Variants in BMP7 observed in about 807,000 individuals in gnomAD.
The protein encoded by BMP7 is osteogenic protein 1.
BMP7 carries 12 observed loss-of-function variants against 41.2 expected under a neutral mutation model. The ratio of observed to expected loss-of-function variants is 0.29; its 90% CI spans 0.19 to 0.47. The LOEUF is 0.47. BMP7 is among the 20% of genes least tolerant of loss of function. The probability of loss-of-function intolerance (pLI) is 0.99; values close to 1 mark genes in which losing one functional copy is unlikely to be tolerated. For synonymous variants in BMP7, 248 were observed against 250.0 expected (o/e 0.99, Z 0.07); for missense variants, 467 against 606.0 (o/e 0.77, Z 2.41).
intron 2 of BMP7, among the ~76,000 whole-genome samples, chr20:57,208,923 C>T (rs1013355799): frequency 1.3e-5 from 2 of 152,130 alleles, no homozygotes; most frequent in African/African-American, 4.8e-5. Context: ...GTGGCTCACA[C>T]CTGTAATCCC....
At chr20:57,264,273 TG>T (rs1428455248) in intron 1 of BMP7, among the ~76,000 whole-genome samples, 1 of 152,156 alleles carries the variant, frequency 6.6e-6, no homozygotes, top group East Asian at 1.9e-4. Flanking sequence ...ACGCCCCAGG[TG>T]CCCAGCGTGG....
intron 1 of BMP7, among the ~76,000 whole-genome samples, chr20:57,260,572 C>T (rs972670496): frequency 3.9e-5 from 6 of 152,216 alleles, no homozygotes; most frequent in Non-Finnish European, 5.9e-5. Context: ...GGCAAAATGG[C>T]ACCGGCGCAT....
chr20:57,245,862 TCTC>T (rs1194896001), intron 1 of BMP7, among the ~76,000 whole-genome samples: 1 of 152,006 alleles, frequency 6.6e-6, no homozygotes, highest in Non-Finnish European at 1.5e-5. Flanking sequence ...ATGGTCTCGA[TCTC>T]CTGACCTCAT....
At chr20:57,201,014 A>C (rs1346679480) in intron 3 of BMP7, among the ~76,000 whole-genome samples, 1 of 152,152 alleles carries the variant, frequency 6.6e-6, no homozygotes, top group Non-Finnish European at 1.5e-5. Flanking sequence ...CATGTGTATT[A>C]CAGTTAGGTC....
chr20:57,231,651 C>G (rs2066029904), intron 1 of BMP7, among the ~76,000 whole-genome samples: 1 of 152,216 alleles, frequency 6.6e-6, no homozygotes, highest in South Asian at 2.1e-4. Flanking sequence ...CCTCCAAAGA[C>G]CAGGAAGAGC....
intron 2 of BMP7, among the ~76,000 whole-genome samples, chr20:57,218,947 A>T (rs36125547): frequency 7.0e-6 from 1 of 141,864 alleles, no homozygotes; most frequent in Non-Finnish European, 1.5e-5. Flanking sequence ...GGTGTTGGTT[A>T]GGTGGTAGCT....
At chr20:57,183,591 T>C in intron 4 of BMP7, 131 bp downstream of exon 4, 1 of 1,214,518 alleles carries the variant, frequency 8.2e-7, no homozygotes, top group Non-Finnish European at 1.2e-6. Context: ...GGGGGTTTTC[T>C]TCCTGCTATA....
intron 2 of BMP7, among the ~76,000 whole-genome samples, 174 bp from the exon 3 acceptor site, chr20:57,202,797 T>C (rs113248263): frequency 4.0e-5 from 6 of 151,896 alleles, no homozygotes; most frequent in African/African-American, 7.3e-5. Flanking sequence ...TCAGTAGCTG[T>C]GGTGAGGAAA....
rs919579249 is a variant in BMP7, at chr20:57,228,937, A to C, written c.419-516T>G. Among the ~76,000 whole-genome samples, 5 of 152,238 alleles carry C rather than the reference A, an allele frequency of 3.3e-5. No individual in the cohort carries two copies. Among genetic ancestry groups the C allele is most frequent in the Admixed American group, 6.5e-5 (1 of 15,286 alleles). On this transcript the variant is annotated intron_variant, in intron 1 of 6. Coordinates refer to ENST00000395863, the MANE Select transcript of BMP7 (RefSeq NM_001719.3). This position sits in a 1 kb window ranked among gnomAD's most constrained non-coding sequence, Gnocchi z 4.5. ...GGATAACTGTTAGCTATTGTTGGTA[A>C]GCATAAACCTTACTGTGCCTAGTAT...
At chr20:57,251,760 C>G (rs983200218) in intron 1 of BMP7, among the ~76,000 whole-genome samples, 2 of 152,128 alleles carry the variant, frequency 1.3e-5, no homozygotes, top group South Asian at 4.1e-4. Context: ...ATGTTGAAAC[C>G]CTGTCTCCAC....
intron 2 of BMP7, among the ~76,000 whole-genome samples, chr20:57,226,676 C>T (rs1273144478): frequency 6.6e-6 from 1 of 152,184 alleles, no homozygotes; most frequent in Non-Finnish European, 1.5e-5. Context: ...GTGAAAACAG[C>T]AACACAGATT....
At position 57,214,983 on chromosome 20, in the gene BMP7, A is replaced by G. The variant is rs1984978882; in HGVS notation, c.612-12360T>C. ...TCTGGTTTCACTTCCAATAGTTTAC[A>G]TTATTAAAAGAGAAATGGTAAATAC... On this transcript the variant is annotated intron_variant, in intron 2 of 6. Transcript: ENST00000395863. This position sits in a 1 kb window ranked among gnomAD's most constrained non-coding sequence, Gnocchi z 4.0. 6.6e-6 allele frequency: 1 copy of G among 152,228 alleles called. No homozygotes were observed. The highest frequency in any genetic ancestry group is 1.5e-5 in the Non-Finnish European group (1 of 68,056). The allele number at this position is 152,228 out of a possible 1,614,324, so 9.4% of individuals were successfully genotyped here.
chr20:57,183,723 T>C lies in BMP7; in HGVS notation c.957A>G (p.Ala319=). The change falls in exon 4 of 7, where the codon GCA becomes GCG. Residue 319 remains alanine (A), a splice_region_variant and synonymous_variant. Coordinates refer to ENST00000395863, the MANE Select transcript of BMP7 (RefSeq NM_001719.3). Reference sequence around the variant, plus strand: ...GTGATCCCTCCCACCTAAGCATACCTGCCACGTTGGCCATCCGCAGGGCTT... The same window carrying C: ...GTGATCCCTCCCACCTAAGCATACCCGCCACGTTGGCCATCCGCAGGGCTT... The part of the protein sequence containing the change: ...NQEALRMANV[A]ENSSSDQRQA... 1 of 1,613,980 alleles carries C rather than the reference T, an allele frequency of 6.2e-7. No homozygotes were observed. The highest frequency in any genetic ancestry group is 8.5e-7 in the Non-Finnish European group (1 of 1,180,032).
rs1227083911 is a variant in BMP7, at chr20:57,266,133, C to T, written c.-11G>A. On this transcript the variant is annotated 5_prime_UTR_variant, in exon 1 of 7. Coordinates refer to ENST00000395863, the MANE Select transcript of BMP7 (RefSeq NM_001719.3). Reference sequence around the variant, plus strand: ...TGAGCGCACGTGCATCGCGCCGGCTCTACGCGCTACCCGGGCTCCGGGCTC... The same window carrying T: ...TGAGCGCACGTGCATCGCGCCGGCTTTACGCGCTACCCGGGCTCCGGGCTC... 6.6e-7 allele frequency: 1 copy of T among 1,523,678 alleles called. No homozygotes were observed. The allele number at this position is 1,523,678 out of a possible 1,614,324, so 94.4% of individuals were successfully genotyped here.
rs16984919 is a variant in BMP7, at chr20:57,228,053, C to T, written c.611+176G>A. 0.02 allele frequency among the ~76,000 whole-genome samples: 3,114 copies of T among 152,158 alleles called. 125 individuals carry two copies. Among genetic ancestry groups the T allele is most frequent in the African/African-American group, 0.071 (2,942 of 41,504 alleles). On this transcript the variant is annotated intron_variant, in intron 2 of 6. Coordinates refer to ENST00000395863, the MANE Select transcript of BMP7 (RefSeq NM_001719.3). This position sits in a 1 kb window ranked among gnomAD's most constrained non-coding sequence, Gnocchi z 4.5. ...CTTCTACTATTCCTGAATTTGTTGT[C>T]GGTCATGGTTTTAAGGAAGTGACAT...
intron 1 of BMP7, among the ~76,000 whole-genome samples, chr20:57,239,123 T>A (rs933274641): frequency 1.3e-5 from 2 of 152,190 alleles, no homozygotes; most frequent in Non-Finnish European, 2.9e-5. Context: ...CAAAGTCTCA[T>A]CTGAGACAAA....
At chr20:57,191,024 C>G (rs1984344674) in intron 3 of BMP7, among the ~76,000 whole-genome samples, 1 of 152,154 alleles carries the variant, frequency 6.6e-6, no homozygotes, top group Non-Finnish European at 1.5e-5. Flanking sequence ...CTACATGTCC[C>G]CTGGGAGGAA....
chr20:57,228,999 T>G lies in BMP7; in HGVS notation c.419-578A>C, dbSNP rs959427097. 6.6e-6 allele frequency among the ~76,000 whole-genome samples: 1 copy of G among 152,226 alleles called. No individual in the cohort carries two copies. The highest frequency in any genetic ancestry group is 2.4e-5 in the African/African-American group (1 of 41,456). On this transcript the variant is annotated intron_variant, in intron 1 of 6. Coordinates refer to ENST00000395863, the MANE Select transcript of BMP7 (RefSeq NM_001719.3). The surrounding 1 kb of genome is among the most constrained non-coding windows in gnomAD (Gnocchi z 4.5). ...AGGACCAGGGGTTCTCAGCCCTGAA[T>G]GCACATGAAAATCACTGTGGAAACT... is the stretch of plus-strand genomic sequence containing the variant.
At chr20:57,173,553 T>C in intron 5 of BMP7, 1 of 595,546 alleles carries the variant, frequency 1.7e-6, no homozygotes, top group Non-Finnish European at 3.0e-6. Context: ...CTTAGTAGAC[T>C]GAGTGGGAAG....
Sources: allele counts gnomAD v4.1 joint callset (sites outside exome capture counted in the v4.1 genomes callset), GRCh38; gene constraint gnomAD v4.1.1; non-coding constraint Gnocchi (gnomAD v3.1); transcripts MANE v1.5; gene names NCBI Gene and HGNC (gene_info 2026-07-23, HGNC 2026-07-21).